The following SLC4A8 variants were observed in gnomAD, a reference collection of about 807,000 sequenced individuals.
SLC4A8 encodes the protein electroneutral sodium bicarbonate exchanger 1.
Under a neutral mutation model 125.0 loss-of-function variants are expected in SLC4A8, and 40 were observed. That is an observed-to-expected ratio of 0.32 (90% CI 0.25 to 0.42). The LOEUF is 0.42. Among genes scored for constraint, SLC4A8 ranks in the 10% least tolerant of loss-of-function variants. SLC4A8 has a pLI of 1.00. For synonymous variants in SLC4A8, 456 were observed against 476.0 expected (o/e 0.96, Z 0.55); for missense variants, 863 against 1,355.1 (o/e 0.64, Z 5.70).
upstream of SLC4A8, chr12:51,419,959 T>G (rs7295690): frequency 0.42 from 63,694 of 152,176 alleles, 13,577 homozygotes; most frequent in Non-Finnish European, 0.45. Context: ...TGTTCCATGC[T>G]GGCAGCATGC....
rs536232531 is a variant in SLC4A8, at chr12:51,429,055, G to A, written c.48+4020G>A. 1.3e-4 allele frequency among the ~76,000 whole-genome samples: 20 copies of A among 151,962 alleles called. No individual in the cohort carries two copies. The East Asian group carries it at 3.1e-3, about 24-fold the overall frequency. On this transcript the variant is annotated intron_variant, in intron 1 of 24. Coordinates refer to ENST00000453097, the MANE Select transcript of SLC4A8 (RefSeq NM_001039960.3). Reference sequence around the variant, plus strand: ...ATCCCGAGTAGCTGGGATTACAGGCGCCTGCCACCACCCCTAGCTAATTTT... The same window carrying A: ...ATCCCGAGTAGCTGGGATTACAGGCACCTGCCACCACCCCTAGCTAATTTT...
chr12:51,447,516 A>G (rs574647292), intron 2 of SLC4A8, among the ~76,000 whole-genome samples: 5 of 152,156 alleles, frequency 3.3e-5, no homozygotes, highest in African/African-American at 2.4e-5. Context: ...TCCAGAAAGC[A>G]CTGGCACATT....
chr12:51,484,126 CAGTT>C, intron 16 of SLC4A8, among the ~76,000 whole-genome samples: 1 of 152,056 alleles, frequency 6.6e-6, no homozygotes, highest in Admixed American at 6.5e-5. Context: ...TGGGAGGACT[CAGTT>C]AATTAGATAT....
chr12:51,477,896 C>T (rs1180858659), intron 16 of SLC4A8, among the ~76,000 whole-genome samples: 6 of 152,094 alleles, frequency 3.9e-5, no homozygotes, highest in Admixed American at 2.0e-4. Context: ...TAAGGGAGGC[C>T]GAGGTAGGTG....
At chr12:51,472,621 C>T (rs4761967) in intron 14 of SLC4A8, among the ~76,000 whole-genome samples, 81,433 of 151,326 alleles carry the variant, frequency 0.54, 21,961 homozygotes, top group African/African-American at 0.57. Flanking sequence ...TACCAAGCAC[C>T]ATTTTAGGCC....
At chr12:51,425,464 C>T (rs1039291065) in intron 1 of SLC4A8, 1 of 990,572 alleles carries the variant, frequency 1.0e-6, no homozygotes, top group Non-Finnish European at 1.2e-6. Context: ...TTTCTGGTTC[C>T]TCAGTGGTTC....
chr12:51,440,817 G>C, intron 2 of SLC4A8, 28 bp downstream of exon 2: 1 of 1,573,444 alleles, frequency 6.4e-7, no homozygotes, highest in Non-Finnish European at 8.6e-7. Context: ...GTGTGATCAG[G>C]GAAATTGGTG....
At position 51,463,725 on chromosome 12, in the gene SLC4A8, G is replaced by A. The variant is rs751901984; in HGVS notation, c.1349+11G>A. On this transcript the variant is annotated intron_variant, in intron 11 of 24. Transcript: ENST00000453097. Reference sequence around the variant, plus strand: ...TCAGCGCACTGGGCGGTAAGTCCTGGGACGTTTCACAGCGATGCTGCTTAT... The same window carrying A: ...TCAGCGCACTGGGCGGTAAGTCCTGAGACGTTTCACAGCGATGCTGCTTAT... The A allele has an allele frequency of 3.8e-6, 6 of 1,592,886 alleles. No homozygotes were observed. Among genetic ancestry groups the A allele is most frequent in the Non-Finnish European group, 5.2e-6 (6 of 1,161,524 alleles).
chr12:51,416,633 A>G (rs1456318487), intron 1 of SLC4A8, among the ~76,000 whole-genome samples: 1 of 151,494 alleles, frequency 6.6e-6, no homozygotes, highest in Admixed American at 6.6e-5. Flanking sequence ...ACAGAGTGAG[A>G]CTCTGTCTCA....
intron 10 of SLC4A8, among the ~76,000 whole-genome samples, chr12:51,463,365 CTTAG>C (rs1353045951): frequency 6.6e-6 from 1 of 151,182 alleles, no homozygotes; most frequent in Non-Finnish European, 1.5e-5. Flanking sequence ...CTAGGCAAGG[CTTAG>C]TTAGGAGTCA....
intron 1 of SLC4A8, among the ~76,000 whole-genome samples, chr12:51,426,855 G>A (rs1296155252): frequency 1.3e-5 from 2 of 151,974 alleles, no homozygotes; most frequent in East Asian, 1.9e-4. Flanking sequence ...AAAGGGGAGA[G>A]AGGGGGTCTC....
chr12:51,433,017 AAGAG>A (rs1949248159), intron 1 of SLC4A8, among the ~76,000 whole-genome samples: 1 of 152,114 alleles, frequency 6.6e-6, no homozygotes, highest in Admixed American at 6.5e-5. Flanking sequence ...GAAGTGTGTT[AAGAG>A]AGAGAGCTTG....
At chr12:51,424,053 ACAAAAAAAAC>A (rs1270531361), upstream of SLC4A8, among the ~76,000 whole-genome samples, 146 of 42,572 alleles carry the variant, frequency 3.4e-3, 1 homozygote, top group African/African-American at 9.7e-3. Flanking sequence ...AAAAAAAAAA[ACAAAAAAAAC>A]AACAAAAAAA....
Position 51,513,032 on chromosome 12 carries a change from T to A in SLC4A8, c.*5594T>A, listed in dbSNP as rs1052982545. 2 of 152,140 alleles carry A rather than the reference T, an allele frequency of 1.3e-5. No homozygotes were observed. The highest frequency in any genetic ancestry group is 2.9e-5 in the Non-Finnish European group (2 of 68,024). The allele number at this position is 152,140 out of a possible 1,614,324, so 9.4% of individuals were successfully genotyped here. Reference sequence around the variant, plus strand: ...TTGGCAGACCAATGCCCTGATAAGCTTGTGGTATAGAGGTAGGAAGGGAGG... The same window carrying A: ...TTGGCAGACCAATGCCCTGATAAGCATGTGGTATAGAGGTAGGAAGGGAGG... On this transcript the variant is annotated 3_prime_UTR_variant, in exon 25 of 25. Transcript: ENST00000453097.
At chr12:51,488,884 A>G in intron 18 of SLC4A8, 24 bp downstream of exon 18, 1 of 1,596,856 alleles carries the variant, frequency 6.3e-7, no homozygotes, top group South Asian at 1.1e-5. Flanking sequence ...CTGACCTAGA[A>G]GGCTGCTGTG....
At chr12:51,481,697 C>A (rs943834929) in intron 16 of SLC4A8, among the ~76,000 whole-genome samples, 1 of 151,952 alleles carries the variant, frequency 6.6e-6, no homozygotes, top group Admixed American at 6.6e-5. Flanking sequence ...AATCCCAGCA[C>A]TTTGGGAAGT....
intron 2 of SLC4A8, among the ~76,000 whole-genome samples, chr12:51,441,456 T>C (rs1949594135): frequency 6.6e-6 from 1 of 152,226 alleles, no homozygotes; most frequent in South Asian, 2.1e-4. Flanking sequence ...ATAACCGTTA[T>C]GTGGTGTCCT....
In SLC4A8 at chr12:51,400,795, CACACACAT is replaced by C. The variant is rs1198637737; in HGVS notation, c.-112+9309_-112+9316del. 5.7e-4 allele frequency among the ~76,000 whole-genome samples: 51 copies of C among 89,188 alleles called. 2 individuals are homozygous for C. Among genetic ancestry groups the C allele is most frequent in the African/African-American group, 2.2e-3 (42 of 19,434 alleles). The allele number at this position is 89,188 out of a possible 152,430, so 58.5% of individuals were successfully genotyped here. On this transcript the variant is annotated intron_variant, in intron 1 of 24. Coordinates refer to the SLC4A8 transcript ENST00000358657. ...ATATATATACATACATACACACACA[CACACACAT>C]ATATAAACATATATGTTTATATACG...
Position 51,507,637 on chromosome 12 carries a change from G to T in SLC4A8, c.*199G>T, listed in dbSNP as rs1314693216. On this transcript the variant is annotated 3_prime_UTR_variant, in exon 25 of 25. Coordinates refer to ENST00000453097, the MANE Select transcript of SLC4A8 (RefSeq NM_001039960.3). ...CCAGCTATCCCCATACCAGCAGCCAGTCACCAGATGTGAATGTGGAAGCAG... is the reference window on the plus strand; with the variant it reads ...CCAGCTATCCCCATACCAGCAGCCATTCACCAGATGTGAATGTGGAAGCAG... 1 of 434,684 alleles carries T rather than the reference G, an allele frequency of 2.3e-6. No individual in the cohort carries two copies. The highest frequency in any genetic ancestry group is 4.2e-6 in the Non-Finnish European group (1 of 239,266). 26.9% of individuals were successfully genotyped at this position (434,684 alleles called of 1,614,324 possible). A position where few individuals can be genotyped will look rare whatever the true frequency, so the allele number is the denominator to read the frequency against.
Sources: gnomAD v4.1 joint callset for allele counts (sites outside exome capture counted in the v4.1 genomes callset) on GRCh38, gnomAD v4.1.1 for gene constraint, MANE v1.5 for transcripts, NCBI Gene and HGNC (gene_info 2026-07-23, HGNC 2026-07-21) for gene names.